NEK1: variants seen among roughly 807,000 people sequenced by gnomAD.
NEK1 encodes NIMA related kinase 1, also known as serine/threonine-protein kinase Nek1.
A neutral mutation model predicts 182.1 loss-of-function variants in NEK1; 137 were observed. The observed-to-expected ratio is 0.75, with a 90% CI of 0.65 to 0.87. NEK1 has a LOEUF of 0.87. NEK1 is among the 40% of genes least tolerant of loss of function. The pLI, the probability that NEK1 is intolerant of heterozygous loss-of-function variation, is 0.00. For synonymous variants in NEK1, 513 were observed against 492.2 expected (o/e 1.04, Z -0.56); for missense variants, 1,391 against 1,494.4 (o/e 0.93, Z 1.14).
At chr4:169,548,458 G>A (rs912209900) in intron 18 of NEK1, among the ~76,000 whole-genome samples, 4 of 152,240 alleles carry the variant, frequency 2.6e-5, no homozygotes, top group Non-Finnish European at 5.9e-5. Context: ...GGACCCACTT[G>A]AGGAGGCCCA....
intron 5 of NEK1, among the ~76,000 whole-genome samples, chr4:169,593,007 G>T (rs1243282835): frequency 6.6e-6 from 1 of 152,076 alleles, no homozygotes; most frequent in Non-Finnish European, 1.5e-5. Flanking sequence ...AGTAGAAATG[G>T]AACACATCTT....
At position 169,561,741 on chromosome 4, in the gene NEK1, T is replaced by C; in HGVS notation, c.1141-4A>G. 1.9e-6 allele frequency: 3 copies of C among 1,581,750 alleles called. No homozygotes were observed. The highest frequency in any genetic ancestry group is 2.6e-6 in the Non-Finnish European group (3 of 1,161,740). ...CAGCCTTCATTAAACTAATAATCTG[T>C]AACAATTTTAAAGACAAGCTTCTTA... On this transcript the variant is annotated splice_region_variant and splice_polypyrimidine_tract_variant and intron_variant, in intron 14 of 35. Transcript: ENST00000507142.
At chr4:169,550,533 T>C (rs930529188) in intron 18 of NEK1, among the ~76,000 whole-genome samples, 1 of 152,176 alleles carries the variant, frequency 6.6e-6, no homozygotes, top group Non-Finnish European at 1.5e-5. Context: ...AATTTCTTAA[T>C]CTGTAAAATA....
chr4:169,458,536 T>C (rs1743336343), intron 27 of NEK1, among the ~76,000 whole-genome samples: 1 of 152,062 alleles, frequency 6.6e-6, no homozygotes, highest in Non-Finnish European at 1.5e-5. Context: ...GAGACCAGCC[T>C]AAGCAACACG....
At chr4:169,553,424 G>C (rs573144725) in intron 18 of NEK1, among the ~76,000 whole-genome samples, 1 of 152,030 alleles carries the variant, frequency 6.6e-6, no homozygotes, top group Non-Finnish European at 1.5e-5. Context: ...TAACATAGGA[G>C]AAAACCCAAA....
chr4:169,424,475 A>G lies in NEK1; in HGVS notation c.3222+78T>C, dbSNP rs910304401. 6 of 1,443,442 alleles carry G rather than the reference A, an allele frequency of 4.2e-6. No homozygotes were observed. In the Admixed American group the frequency reaches 1.0e-4, roughly 24 times the overall value. 89.4% of individuals were successfully genotyped at this position (1,443,442 alleles called of 1,614,324 possible). A position where few individuals can be genotyped will look rare whatever the true frequency, so the allele number is the denominator to read the frequency against. On this transcript the variant is annotated intron_variant, in intron 31 of 35. Transcript: ENST00000507142. ...GTCTGTGTTAAGAGATTAAAACTCA[A>G]TATTATGGTTTATAAAAGAAAAACA...
At chr4:169,409,440 G>A (rs1267402178) in intron 31 of NEK1, among the ~76,000 whole-genome samples, 5 of 143,518 alleles carry the variant, frequency 3.5e-5, no homozygotes, top group African/African-American at 7.5e-5. Flanking sequence ...CACCGCGCCC[G>A]GCCACTTACC....
intron 29 of NEK1, among the ~76,000 whole-genome samples, chr4:169,429,765 T>TA (rs1737084955): frequency 6.6e-6 from 1 of 152,204 alleles, no homozygotes; most frequent in Admixed American, 6.5e-5. Flanking sequence ...CTGTTGTATT[T>TA]ACTATCTGGA....
intron 5 of NEK1, 47 bp from the exon 6 acceptor site, chr4:169,590,856 A>G (rs1768362997): frequency 1.6e-6 from 2 of 1,225,566 alleles, no homozygotes; most frequent in Admixed American, 2.1e-5. Context: ...GACCATTAAA[A>G]GAATTCAAGA....
intron 18 of NEK1, among the ~76,000 whole-genome samples, chr4:169,548,183 CCTTT>C (rs1760839314): frequency 6.6e-6 from 1 of 152,148 alleles, no homozygotes; most frequent in Non-Finnish European, 1.5e-5. Flanking sequence ...TGATACTATT[CCTTT>C]CTGTTTGTTA....
Position 169,592,155 on chromosome 4 carries a change from T to C in NEK1, c.313-1346A>G, listed in dbSNP as rs537625705. On this transcript the variant is annotated intron_variant, in intron 5 of 35. Coordinates refer to ENST00000507142, the MANE Select transcript of NEK1 (RefSeq NM_001199397.3). ...CACAGGTGTTTGTGAAAAGGTTAAT[T>C]ATAATCATTTGTCAAAATATGTGAA... Among the ~76,000 whole-genome samples, 20 of 152,336 alleles carry C rather than the reference T, an allele frequency of 1.3e-4. No individual in the cohort carries two copies. In the East Asian group the frequency reaches 3.3e-3, roughly 25 times the overall value.
intron 27 of NEK1, among the ~76,000 whole-genome samples, chr4:169,440,987 G>C (rs1739339908): frequency 6.6e-6 from 1 of 152,146 alleles, no homozygotes; most frequent in South Asian, 2.1e-4. Context: ...CACCCCTGGA[G>C]CCCTACTGAC....
chr4:169,439,550 T>C (rs891974286), intron 27 of NEK1, among the ~76,000 whole-genome samples: 6 of 152,182 alleles, frequency 3.9e-5, no homozygotes, highest in Admixed American at 2.0e-4. Flanking sequence ...AGCCCTACCA[T>C]TCTGCAATAA....
At chr4:169,429,993 C>T (rs1737122620) in intron 29 of NEK1, among the ~76,000 whole-genome samples, 1 of 151,928 alleles carries the variant, frequency 6.6e-6, no homozygotes, top group African/African-American at 2.4e-5. Flanking sequence ...TTATTTCTTC[C>T]AAATTGTGAT....
At chr4:169,486,278 A>T (rs2149587355) in intron 23 of NEK1, among the ~76,000 whole-genome samples, 1 of 152,270 alleles carries the variant, frequency 6.6e-6, no homozygotes, top group East Asian at 1.9e-4. Context: ...TATCGCTGTA[A>T]AACTGTTTCT....
At chr4:169,582,718 G>A (rs959149910) in intron 10 of NEK1, among the ~76,000 whole-genome samples, 16 of 152,094 alleles carry the variant, frequency 1.1e-4, no homozygotes, top group Middle Eastern at 3.4e-3. Flanking sequence ...AAAACCCTAC[G>A]TTATGTTTTC....
intron 5 of NEK1, among the ~76,000 whole-genome samples, chr4:169,595,606 T>C (rs1480010117): frequency 2.6e-5 from 4 of 152,138 alleles, no homozygotes; most frequent in Non-Finnish European, 4.4e-5. Flanking sequence ...TAATCAGTTA[T>C]GACAAACCTA....
chr4:169,561,719 C>T lies in NEK1; in HGVS notation c.1159G>A (p.Ala387Thr). The change falls in exon 15 of 36, where the codon GCT (alanine) becomes ACT (threonine). Residue 387 changes from alanine (A) to threonine (T), a missense_variant. Physicochemically the swap from Ala to Thr is moderately conservative, Grantham distance 58. Coordinates refer to ENST00000507142, the MANE Select transcript of NEK1 (RefSeq NM_001199397.3). ...TTTTCTTGCCTTTTCATTTGTTCAG[C>T]CTTCATTAAACTAATAATCTGTAAC... ...QKDQIISLMK[A>T]EQMKRQEKER... The T allele has an allele frequency of 6.4e-7, 1 of 1,573,358 alleles. No homozygotes were observed. Among genetic ancestry groups the T allele is most frequent in the Admixed American group, 1.9e-5 (1 of 53,630 alleles).
chr4:169,584,916 T>C (rs1767274901), intron 10 of NEK1, among the ~76,000 whole-genome samples: 1 of 152,186 alleles, frequency 6.6e-6, no homozygotes, highest in East Asian at 1.9e-4. Flanking sequence ...CTGGGCGAAC[T>C]GGTTCACACC....
Sources: allele counts gnomAD v4.1 joint callset (sites outside exome capture counted in the v4.1 genomes callset), GRCh38; gene constraint gnomAD v4.1.1; transcripts MANE v1.5; gene names NCBI Gene and HGNC (gene_info 2026-07-23, HGNC 2026-07-21).